SLC35F3: variants seen among roughly 807,000 people sequenced by gnomAD.
SLC35F3 encodes solute carrier family 35 member F3, also known as putative thiamine transporter SLC35F3.
Under a neutral mutation model 49.9 loss-of-function variants are expected in SLC35F3, and 25 were observed. That is an observed-to-expected ratio of 0.50 (90% CI 0.37 to 0.70). The LOEUF (loss-of-function observed/expected upper bound fraction) is 0.70, where lower values mean the gene tolerates loss of function less well. Among genes scored for constraint, SLC35F3 ranks in the 30% least tolerant of loss-of-function variants. The pLI is 0.00. For missense variants in SLC35F3, 525 were observed against 639.8 expected (o/e 0.82, Z 1.94); for synonymous variants, 275 against 265.4 (o/e 1.04, Z -0.35).
intron 2 of SLC35F3, among the ~76,000 whole-genome samples, chr1:234,019,393 A>G (rs1663857129): frequency 6.7e-6 from 1 of 148,886 alleles, no homozygotes; most frequent in South Asian, 2.1e-4. Context: ...AGACAGAAAC[A>G]GAGAGAAATT....
Position 234,030,203 on chromosome 1 carries a change from C to T in SLC35F3, c.283+124445C>T, listed in dbSNP as rs953525808. 3.9e-5 allele frequency among the ~76,000 whole-genome samples: 6 copies of T among 152,290 alleles called. No homozygotes were observed. The East Asian group carries it at 5.8e-4, about 15-fold the overall frequency. ...AACCAAACCCAGTTTCCCACAGAAA[C>T]GGTGACCCTTCCACTCCTACCTACG... On this transcript the variant is annotated intron_variant, in intron 2 of 7. Coordinates refer to ENST00000366618, the MANE Select transcript of SLC35F3 (RefSeq NM_173508.4).
At chr1:234,124,740 T>C (rs1572060929) in intron 2 of SLC35F3, among the ~76,000 whole-genome samples, 1 of 152,150 alleles carries the variant, frequency 6.6e-6, no homozygotes, top group East Asian at 1.9e-4. Context: ...TGGTACTGCA[T>C]ACCTGTAGCC....
At chr1:234,226,818 G>T (rs1285735650) in intron 2 of SLC35F3, among the ~76,000 whole-genome samples, 1 of 152,150 alleles carries the variant, frequency 6.6e-6, no homozygotes, top group Non-Finnish European at 1.5e-5. Flanking sequence ...CAGGTGGCGG[G>T]TTTATTGCCT....
chr1:234,289,413 G>A (rs1392423919), intron 3 of SLC35F3, among the ~76,000 whole-genome samples: 1 of 152,174 alleles, frequency 6.6e-6, no homozygotes, highest in Non-Finnish European at 1.5e-5. Flanking sequence ...TCCTGGGGCT[G>A]GGTTAAGTCT....
intron 2 of SLC35F3, among the ~76,000 whole-genome samples, chr1:234,033,123 T>A (rs1664087311): frequency 6.6e-6 from 1 of 152,230 alleles, no homozygotes; most frequent in Admixed American, 6.5e-5. Flanking sequence ...GTTGAGCATT[T>A]TCCCTTATGT....
intron 3 of SLC35F3, among the ~76,000 whole-genome samples, chr1:234,253,208 C>A (rs1667764701): frequency 6.6e-6 from 1 of 152,146 alleles, no homozygotes; most frequent in African/African-American, 2.4e-5. Flanking sequence ...CACCTGTAAT[C>A]CCAGCTACTC....
chr1:234,083,898 C>A (rs1187992290), intron 2 of SLC35F3, among the ~76,000 whole-genome samples: 12 of 149,572 alleles, frequency 8.0e-5, no homozygotes, highest in African/African-American at 2.5e-4. Flanking sequence ...AGTGCAATGG[C>A]GTGATCTCGG....
At chr1:234,168,731 C>T (rs1666353991) in intron 2 of SLC35F3, among the ~76,000 whole-genome samples, 1 of 152,178 alleles carries the variant, frequency 6.6e-6, no homozygotes, top group Non-Finnish European at 1.5e-5. Context: ...GCAGGGAGGC[C>T]TCTGGGATAG....
chr1:234,223,736 C>G (rs985201780), intron 2 of SLC35F3, among the ~76,000 whole-genome samples: 2 of 152,212 alleles, frequency 1.3e-5, no homozygotes, highest in African/African-American at 2.4e-5. Flanking sequence ...ACAGTACACT[C>G]TCTACTGTAA....
At chr1:234,123,996 T>C (rs1665612399) in intron 2 of SLC35F3, among the ~76,000 whole-genome samples, 1 of 152,174 alleles carries the variant, frequency 6.6e-6, no homozygotes, top group Non-Finnish European at 1.5e-5. Context: ...GAGGTTGATA[T>C]CTCAGACACA....
At chr1:234,217,560 G>C (rs1249620065) in intron 2 of SLC35F3, among the ~76,000 whole-genome samples, 3 of 150,982 alleles carry the variant, frequency 2.0e-5, no homozygotes, top group Non-Finnish European at 4.4e-5. Flanking sequence ...TCATGAGGAG[G>C]AGGGTTTCTA....
In SLC35F3 at chr1:234,027,516, T is replaced by A. The variant is rs1348942151; in HGVS notation, c.283+121758T>A. ...TCAATTTCAGTCCATTCGGTAGTGG[T>A]TTAAAGAATGGAGAGTGGGGTCTTA... On this transcript the variant is annotated intron_variant, in intron 2 of 7. Coordinates refer to ENST00000366618, the MANE Select transcript of SLC35F3 (RefSeq NM_173508.4). The surrounding 1 kb of genome is among the most constrained non-coding windows in gnomAD (Gnocchi z 4.1). 6.6e-6 allele frequency among the ~76,000 whole-genome samples: 1 copy of A among 152,074 alleles called. No individual in the cohort carries two copies. The highest frequency in any genetic ancestry group is 1.5e-5 in the Non-Finnish European group (1 of 68,010).
chr1:234,192,751 G>T (rs1398984057), intron 2 of SLC35F3, among the ~76,000 whole-genome samples: 1 of 152,108 alleles, frequency 6.6e-6, no homozygotes, highest in African/African-American at 2.4e-5. Flanking sequence ...CAAATTTCAG[G>T]ATACAAAATT....
chr1:234,211,890 G>GCT (rs1195277994), intron 2 of SLC35F3, among the ~76,000 whole-genome samples: 1 of 152,172 alleles, frequency 6.6e-6, no homozygotes, highest in Non-Finnish European at 1.5e-5. Context: ...ATATGGTTTG[G>GCT]CAGTGTCCCC....
At chr1:234,145,196 T>G (rs1193044864) in intron 2 of SLC35F3, among the ~76,000 whole-genome samples, 6 of 152,092 alleles carry the variant, frequency 3.9e-5, no homozygotes, top group Admixed American at 6.5e-5. Context: ...TGTCCCGCTG[T>G]GAGTGGTACT....
At chr1:234,190,171 G>A (rs1666710150) in intron 2 of SLC35F3, among the ~76,000 whole-genome samples, 1 of 152,046 alleles carries the variant, frequency 6.6e-6, no homozygotes, top group Admixed American at 6.6e-5. Flanking sequence ...AAAAACCGAG[G>A]TATTCAAGCA....
chr1:234,294,462 G>C (rs890264660), intron 3 of SLC35F3, among the ~76,000 whole-genome samples: 1 of 152,198 alleles, frequency 6.6e-6, no homozygotes, highest in African/African-American at 2.4e-5. Flanking sequence ...GGAGCCCCTA[G>C]TTCTAGACTC....
intron 2 of SLC35F3, among the ~76,000 whole-genome samples, chr1:234,117,912 A>ATGTG (rs370186911): frequency 1.8e-5 from 2 of 113,936 alleles, no homozygotes; most frequent in Non-Finnish European, 3.5e-5. Context: ...AAGACTATAT[A>ATGTG]TGTGTGTGTG....
chr1:234,266,244 A>G (rs1012645575), intron 3 of SLC35F3, among the ~76,000 whole-genome samples: 6 of 152,202 alleles, frequency 3.9e-5, no homozygotes, highest in African/African-American at 9.7e-5. Context: ...TCTGCATATT[A>G]TAAAAAAATA....
Sources: gnomAD v4.1 joint callset for allele counts (sites outside exome capture counted in the v4.1 genomes callset) on GRCh38, gnomAD v4.1.1 for gene constraint, Gnocchi (gnomAD v3.1) non-coding constraint, MANE v1.5 for transcripts, NCBI Gene and HGNC (gene_info 2026-07-23, HGNC 2026-07-21) for gene names.